Variants in PAPSS2 observed in about 807,000 individuals in gnomAD.
PAPSS2 encodes the protein 3'-phosphoadenosine 5'-phosphosulfate synthase 2, also known as bifunctional 3'-phosphoadenosine 5'-phosphosulfate synthase 2.
A neutral mutation model predicts 66.5 loss-of-function variants in PAPSS2; 61 were observed. The ratio of observed to expected loss-of-function variants is 0.92; its 90% CI spans 0.75 to 1.14. PAPSS2 has a LOEUF of 1.14. Among genes scored for constraint, PAPSS2 ranks in the 50% most tolerant of loss-of-function variants. The pLI is 0.00. For synonymous variants in PAPSS2, 289 were observed against 287.5 expected, an observed-to-expected ratio of 1.01 and a Z score of -0.05; for missense variants, 708 against 789.6, an observed-to-expected ratio of 0.90 and a Z score of 1.24.
rs185361703 is a variant in PAPSS2, at chr10:87,677,796, G to A, written c.27+17788G>A. 1.0e-3 allele frequency among the ~76,000 whole-genome samples: 155 copies of A among 152,288 alleles called. 5 individuals carry two copies. Among genetic ancestry groups the A allele is most frequent in the Admixed American group, 8.8e-3 (134 of 15,290 alleles). ...TGTAAGATTTATATTACATGCATGC[G>A]TGTGGAATGTACTTTGAACCACTCT... On this transcript the variant is annotated intron_variant, in intron 1 of 12. Coordinates refer to ENST00000456849, the MANE Select transcript of PAPSS2 (RefSeq NM_001015880.2).
At chr10:87,721,905 A>G in intron 8 of PAPSS2, 135 bp downstream of exon 8, 1 of 605,132 alleles carries the variant, frequency 1.7e-6, no homozygotes, top group Non-Finnish European at 2.9e-6. Flanking sequence ...TGATCCAACC[A>G]GCTATAGTAG....
chr10:87,706,084 G>GTGTATATATATATATATATATA (rs1459705587), intron 1 of PAPSS2, among the ~76,000 whole-genome samples: 4 of 60,184 alleles, frequency 6.6e-5, no homozygotes, highest in African/African-American at 3.7e-4. Flanking sequence ...TCTTCACATG[G>GTGTATATATATATATATATATA]TATATATATA....
chr10:87,714,414 C>G lies in PAPSS2; in HGVS notation c.520+232C>G, dbSNP rs551960387. On this transcript the variant is annotated intron_variant, in intron 4 of 12. Coordinates refer to ENST00000456849, the MANE Select transcript of PAPSS2 (RefSeq NM_001015880.2). ...GCCATATGCAATAACGTTCAGAGAA[C>G]TAGAATGGATATTTATATGTGAGTG... 5.3e-5 allele frequency among the ~76,000 whole-genome samples: 8 copies of G among 152,232 alleles called. 1 individual carries two copies. The highest frequency in any genetic ancestry group is 1.9e-4 in the African/African-American group (8 of 41,554).
chr10:87,684,644 G>T (rs1406956156), intron 1 of PAPSS2, among the ~76,000 whole-genome samples: 3 of 152,192 alleles, frequency 2.0e-5, no homozygotes, highest in Non-Finnish European at 4.4e-5. Context: ...TTGCCGTGTG[G>T]TATTCCATTG....
At chr10:87,689,615 C>T (rs551366354) in intron 1 of PAPSS2, among the ~76,000 whole-genome samples, 4 of 142,328 alleles carry the variant, frequency 2.8e-5, no homozygotes, top group Admixed American at 2.2e-4. Context: ...TGCGGTGAGC[C>T]GAGATCGTGC....
chr10:87,707,756 G>C (rs1000590104), intron 1 of PAPSS2, among the ~76,000 whole-genome samples: 1 of 151,540 alleles, frequency 6.6e-6, no homozygotes, highest in Non-Finnish European at 1.5e-5. Flanking sequence ...ATTTTTCATA[G>C]AGATGAGGTC....
intron 1 of PAPSS2, among the ~76,000 whole-genome samples, chr10:87,672,946 C>G (rs1852897607): frequency 1.3e-5 from 2 of 152,200 alleles, no homozygotes; most frequent in Non-Finnish European, 2.9e-5. Flanking sequence ...ACGTACCATG[C>G]TTATTCGTTT....
At chr10:87,683,795 T>A (rs1033429702) in intron 1 of PAPSS2, among the ~76,000 whole-genome samples, 3 of 152,062 alleles carry the variant, frequency 2.0e-5, no homozygotes, top group Non-Finnish European at 2.9e-5. Context: ...GTTCAAGTGA[T>A]CCTCTGGCCT....
At chr10:87,701,244 C>CT (rs67890886) in intron 1 of PAPSS2, among the ~76,000 whole-genome samples, 67,912 of 131,108 alleles carry the variant, frequency 0.52, 20,941 homozygotes, top group African/African-American at 0.75. Flanking sequence ...TTTCTTTTTT[C>CT]TTTTTTCTTT....
chr10:87,727,236 G>T, intron 8 of PAPSS2, 48 bp from the exon 9 acceptor site: 1 of 1,485,706 alleles, frequency 6.7e-7, no homozygotes, highest in South Asian at 1.1e-5. Context: ...CTTCAAGGAT[G>T]GCACACCTTA....
At chr10:87,713,015 A>G (rs1853481467) in intron 2 of PAPSS2, 60 bp from the exon 3 acceptor site, 1 of 912,132 alleles carries the variant, frequency 1.1e-6, no homozygotes, top group Non-Finnish European at 1.8e-6. Context: ...AGATTAGTTC[A>G]CAATTTGTCA....
intron 9 of PAPSS2, among the ~76,000 whole-genome samples, chr10:87,740,623 C>G (rs1427251997): frequency 6.6e-6 from 1 of 152,192 alleles, no homozygotes; most frequent in South Asian, 2.1e-4. Flanking sequence ...AAGAAACTGA[C>G]ACTTGTTGAG....
At chr10:87,726,470 A>C (rs548799787) in intron 8 of PAPSS2, among the ~76,000 whole-genome samples, 6 of 152,196 alleles carry the variant, frequency 3.9e-5, no homozygotes, top group Non-Finnish European at 7.4e-5. Context: ...GCATTTAAAA[A>C]TAACTAAGAG....
chr10:87,722,210 A>G (rs1015060891), intron 8 of PAPSS2, among the ~76,000 whole-genome samples: 1 of 152,134 alleles, frequency 6.6e-6, no homozygotes, highest in Non-Finnish European at 1.5e-5. Context: ...ATTGTGTATG[A>G]TTGTACTTCA....
intron 9 of PAPSS2, among the ~76,000 whole-genome samples, chr10:87,735,941 T>C (rs1853793098): frequency 6.6e-6 from 1 of 152,200 alleles, no homozygotes; most frequent in South Asian, 2.1e-4. Context: ...GTGAACCAGG[T>C]CCACCATCAC....
At chr10:87,713,570 T>G (rs1853495044) in intron 3 of PAPSS2, among the ~76,000 whole-genome samples, 2 of 152,112 alleles carry the variant, frequency 1.3e-5, no homozygotes, top group South Asian at 4.1e-4. Flanking sequence ...ATAAGGAACA[T>G]TTGGTGAGAG....
At chr10:87,716,549 G>A (rs1853534819) in intron 7 of PAPSS2, among the ~76,000 whole-genome samples, 1 of 152,168 alleles carries the variant, frequency 6.6e-6, no homozygotes, top group African/African-American at 2.4e-5. Context: ...CTGCTAAGTG[G>A]GGAAGGAGTA....
intron 1 of PAPSS2, among the ~76,000 whole-genome samples, chr10:87,682,773 G>A (rs1269378036): frequency 2.6e-5 from 4 of 152,228 alleles, no homozygotes; most frequent in Non-Finnish European, 4.4e-5. Flanking sequence ...ATAGATAGAT[G>A]GAAGGGACTC....
intron 1 of PAPSS2, among the ~76,000 whole-genome samples, chr10:87,672,190 G>A (rs1852886589): frequency 6.6e-6 from 1 of 152,180 alleles, no homozygotes; most frequent in Non-Finnish European, 1.5e-5. Flanking sequence ...ACTTGAGTTT[G>A]CCAAGTTTGG....
Sources: allele counts gnomAD v4.1 joint callset (sites outside exome capture counted in the v4.1 genomes callset), GRCh38; gene constraint gnomAD v4.1.1; transcripts MANE v1.5; gene names NCBI Gene and HGNC (gene_info 2026-07-23, HGNC 2026-07-21).